The following CTIF variants were observed in gnomAD, a reference collection of about 807,000 sequenced individuals.
The protein encoded by CTIF is CBP80/20-dependent translation initiation factor.
Under a neutral mutation model 66.0 loss-of-function variants are expected in CTIF, and 21 were observed. The observed-to-expected ratio is 0.32, with a 90% CI of 0.23 to 0.46. CTIF has a LOEUF of 0.46. CTIF is among the 20% of genes least tolerant of loss of function. CTIF has a pLI of 1.00. For missense variants in CTIF, 739 were observed against 812.7 expected, an observed-to-expected ratio of 0.91 and a Z score of 1.10; for synonymous variants, 345 against 326.4, an observed-to-expected ratio of 1.06 and a Z score of -0.62.
chr18:48,696,446 A>C (rs1165237164), intron 6 of CTIF, among the ~76,000 whole-genome samples: 1 of 152,036 alleles, frequency 6.6e-6, no homozygotes, highest in East Asian at 1.9e-4. Flanking sequence ...TCCTGGTCTC[A>C]CCGTCCCGGC....
At chr18:48,736,950 T>G (rs1270807075) in intron 7 of CTIF, among the ~76,000 whole-genome samples, 1 of 152,176 alleles carries the variant, frequency 6.6e-6, no homozygotes, top group Non-Finnish European at 1.5e-5. Flanking sequence ...GAACTGCATC[T>G]GCTCAAACTG....
Position 48,761,517 on chromosome 18 carries a change from C to T in CTIF, c.1199C>T (p.Ala400Val), listed in dbSNP as rs745732684. Reference protein sequence around the residue: ...DTKLTTFMEEAQNSTNSEEML... With the variant: ...DTKLTTFMEEVQNSTNSEEML... The stretch of plus-strand genomic sequence containing the variant: ...AAGCTCACCACCTTCATGGAGGAGG[C>T]CCAGAACTCCACCAACTCCGAGGAG... The change falls in exon 9 of 12, where the codon GCC becomes GTC. Residue 400 changes from alanine (A) to valine (V), a missense_variant. Transcript: ENST00000256413. The surrounding 1 kb of genome is among the most constrained non-coding windows in gnomAD (Gnocchi z 4.2). The T allele has an allele frequency of 1.2e-6, 2 of 1,614,084 alleles. No homozygotes were observed. The highest frequency in any genetic ancestry group is 1.7e-5 in the Admixed American group (1 of 60,010).
intron 6 of CTIF, among the ~76,000 whole-genome samples, chr18:48,683,720 G>A (rs2091787099): frequency 6.6e-6 from 1 of 152,132 alleles, no homozygotes; most frequent in South Asian, 2.1e-4. Context: ...CATTACTCCT[G>A]GGGACTTTGG....
At chr18:48,644,350 C>T (rs1195674491) in intron 3 of CTIF, among the ~76,000 whole-genome samples, 1 of 152,180 alleles carries the variant, frequency 6.6e-6, no homozygotes, top group Non-Finnish European at 1.5e-5. Flanking sequence ...GATGCTGAAG[C>T]TGCAGTGAGA....
intron 6 of CTIF, among the ~76,000 whole-genome samples, chr18:48,704,390 A>C (rs563563146): frequency 2.6e-5 from 4 of 152,324 alleles, no homozygotes; most frequent in African/African-American, 7.2e-5. Context: ...TTCAAATTCA[A>C]AATTTGGCAA....
chr18:48,750,780 G>A lies in CTIF; in HGVS notation c.585-7139G>A, dbSNP rs189322897. Among the ~76,000 whole-genome samples the A allele has an allele frequency of 4.2e-3, 643 of 152,284 alleles. 10 individuals are homozygous for A. Among genetic ancestry groups the A allele is most frequent in the South Asian group, 4.1e-3 (20 of 4,830 alleles). ...CTCCGCCTTTGCTTCTGCACCACAC[G>A]CTGCCATAGGACAGCCCACAGCTCC... On this transcript the variant is annotated intron_variant, in intron 7 of 11. Coordinates refer to ENST00000256413, the MANE Select transcript of CTIF (RefSeq NM_014772.3).
chr18:48,612,284 C>T (rs1322613148), intron 1 of CTIF, among the ~76,000 whole-genome samples: 1 of 152,224 alleles, frequency 6.6e-6, no homozygotes, highest in Non-Finnish European at 1.5e-5. Flanking sequence ...CCCATGGCTT[C>T]CTCGGGGAGA....
At chr18:48,669,115 G>A (rs775139746) in intron 5 of CTIF, among the ~76,000 whole-genome samples, 3 of 152,100 alleles carry the variant, frequency 2.0e-5, no homozygotes, top group Non-Finnish European at 2.9e-5. Context: ...GTGGTGCTCC[G>A]GCACCCAGCC....
intron 9 of CTIF, among the ~76,000 whole-genome samples, chr18:48,805,515 C>A (rs956583821): frequency 6.6e-6 from 1 of 152,094 alleles, no homozygotes; most frequent in Non-Finnish European, 1.5e-5. Context: ...GCTACATTGA[C>A]GTCAACTGTG....
chr18:48,809,354 T>C (rs889151072), intron 9 of CTIF, among the ~76,000 whole-genome samples: 3 of 152,306 alleles, frequency 2.0e-5, no homozygotes, highest in Middle Eastern at 3.4e-3. Context: ...TAGGTGTTGC[T>C]GCCGTTTTTT....
intron 9 of CTIF, among the ~76,000 whole-genome samples, chr18:48,766,407 G>T (rs1909545030): frequency 6.6e-6 from 1 of 152,170 alleles, no homozygotes; most frequent in Non-Finnish European, 1.5e-5. Context: ...TGTCATCAGT[G>T]TGATGGTCAG....
At position 48,619,591 on chromosome 18, in the gene CTIF, C is replaced by G; in HGVS notation, c.26C>G (p.Ala9Gly). Residue 9 changes from alanine (A) to glycine (G), a missense_variant, in exon 2 of 12, where the codon GCC becomes GGC. This residue lies in a region of CTIF where 529 missense variants were observed against 520.3 expected (regional missense o/e 1.02). Transcript: ENST00000256413. ...ATGGAAAACTCCTCTGCAGCATCAG[C>G]CTCCTCGGAGGCAGGGAGCAGCCGC... MENSSAAS[A>G]SSEAGSSRSQ... 1 of 1,589,330 alleles carries G rather than the reference C, an allele frequency of 6.3e-7. No individual in the cohort carries two copies. The highest frequency in any genetic ancestry group is 8.6e-7 in the Non-Finnish European group (1 of 1,168,104).
intron 1 of CTIF, among the ~76,000 whole-genome samples, chr18:48,606,270 T>G (rs2090199071): frequency 6.6e-6 from 1 of 152,214 alleles, no homozygotes; most frequent in African/African-American, 2.4e-5. Context: ...AGTGACTCAT[T>G]GGTTCATGCC....
At chr18:48,848,726 G>A (rs964507738) in intron 10 of CTIF, among the ~76,000 whole-genome samples, 9 of 152,170 alleles carry the variant, frequency 5.9e-5, no homozygotes, top group East Asian at 3.9e-4. Flanking sequence ...GCCTGTGCCC[G>A]TGGCCCTTCC....
intron 7 of CTIF, among the ~76,000 whole-genome samples, chr18:48,748,768 G>A (rs1013683974): frequency 6.6e-6 from 1 of 152,194 alleles, no homozygotes; most frequent in Non-Finnish European, 1.5e-5. Flanking sequence ...AGGGCTTCCT[G>A]GATGAGGTGC....
At position 48,602,283 on chromosome 18, in the gene CTIF, A is replaced by G. The variant is rs80275213; in HGVS notation, c.-28-17255A>G. Among the ~76,000 whole-genome samples, 10 of 152,362 alleles carry G rather than the reference A, an allele frequency of 6.6e-5. No homozygotes were observed. In the East Asian group the frequency reaches 1.5e-3, roughly 23 times the overall value. On this transcript the variant is annotated intron_variant, in intron 1 of 11. Coordinates refer to ENST00000256413, the MANE Select transcript of CTIF (RefSeq NM_014772.3). ...CCAATTTAATATTAGAGAAGCAAAT[A>G]TTGTTGGAGGAAAGACTGCAATCTC...
intron 9 of CTIF, among the ~76,000 whole-genome samples, chr18:48,788,794 A>G (rs915462981): frequency 6.6e-6 from 1 of 152,098 alleles, no homozygotes; most frequent in Non-Finnish European, 1.5e-5. Flanking sequence ...GAGAAGAAGC[A>G]CTTGTACTTC....
intron 3 of CTIF, among the ~76,000 whole-genome samples, chr18:48,637,713 G>A (rs1445904835): frequency 6.6e-6 from 1 of 152,186 alleles, no homozygotes; most frequent in Non-Finnish European, 1.5e-5. Flanking sequence ...CCATGGTGTG[G>A]AGGGACGGCT....
chr18:48,664,669 A>G (rs1449427786), intron 5 of CTIF, 118 bp downstream of exon 5: 2 of 812,026 alleles, frequency 2.5e-6, no homozygotes, highest in Non-Finnish European at 4.0e-6. Flanking sequence ...ATGCCCCGGG[A>G]TGCTCTTCTT....
Sources: gnomAD v4.1 joint callset for allele counts (sites outside exome capture counted in the v4.1 genomes callset) on GRCh38, gnomAD v4.1.1 for gene constraint, gnomAD v4.1.1 regional missense constraint, Gnocchi (gnomAD v3.1) non-coding constraint, MANE v1.5 for transcripts, NCBI Gene and HGNC (gene_info 2026-07-23, HGNC 2026-07-21) for gene names.